Variants in ITGA11 observed in about 807,000 individuals in gnomAD.
ITGA11 encodes the protein integrin alpha-11.
ITGA11 carries 97 observed loss-of-function variants against 141.9 expected under a neutral mutation model. That is an observed-to-expected ratio of 0.68 (90% CI 0.58 to 0.81). The LOEUF is 0.81. Ranked by LOEUF, ITGA11 falls within the 30% of genes least tolerant of loss-of-function variation. ITGA11 has a pLI of 0.00. For missense variants in ITGA11, 1,387 were observed against 1,559.2 expected (o/e 0.89, Z 1.86); for synonymous variants, 658 against 624.6 (o/e 1.05, Z -0.80).
chr15:68,367,449 G>A (rs1442406160), intron 3 of ITGA11, among the ~76,000 whole-genome samples: 1 of 152,130 alleles, frequency 6.6e-6, no homozygotes, highest in Non-Finnish European at 1.5e-5. Flanking sequence ...TTTGTCTGGA[G>A]TGCTCCGCCC....
rs1893276861 is a variant in ITGA11 at position 68,308,715 on chromosome 15, C to G, written c.3175-1019G>C. ...CCGAGATCGTGCCACTGCACTCCAG[C>G]TGGGTGACCGAGCCAGACTCTGTCT... is the stretch of plus-strand genomic sequence containing the variant. On this transcript the variant is annotated intron_variant, in intron 26 of 29. Coordinates refer to ENST00000315757, the MANE Select transcript of ITGA11 (RefSeq NM_001004439.2). This position sits in a 1 kb window ranked among gnomAD's most constrained non-coding sequence, Gnocchi z 5.2. Among the ~76,000 whole-genome samples the G allele has an allele frequency of 6.7e-6, 1 of 150,038 alleles. No homozygotes were observed. Among genetic ancestry groups the G allele is most frequent in the African/African-American group, 2.5e-5 (1 of 40,350 alleles).
At position 68,298,389 on chromosome 15, in the gene ITGA11, C is replaced by G. The variant is rs1377520162; in HGVS notation, c.*4670G>C. ...TTGAACACCTACTGTATTTCAGGCA[C>G]TGCACCACAGATATGCATACAAAAA... On this transcript the variant is annotated 3_prime_UTR_variant, in exon 30 of 30. Coordinates refer to ENST00000315757, the MANE Select transcript of ITGA11 (RefSeq NM_001004439.2). The G allele has an allele frequency of 1.3e-5, 2 of 152,164 alleles. No homozygotes were observed. Among genetic ancestry groups the G allele is most frequent in the Non-Finnish European group, 2.9e-5 (2 of 68,028 alleles). The allele number at this position is 152,164 out of a possible 1,614,324, so 9.4% of individuals were successfully genotyped here.
chr15:68,345,974 TTTTG>T (rs1894731719), intron 10 of ITGA11, among the ~76,000 whole-genome samples: 1 of 151,864 alleles, frequency 6.6e-6, no homozygotes, highest in African/African-American at 2.4e-5. Context: ...AGGTTTTTGT[TTTTG>T]TTTTTGTTTT....
intron 20 of ITGA11, among the ~76,000 whole-genome samples, chr15:68,318,132 T>A (rs568234108): frequency 4.6e-5 from 7 of 152,200 alleles, no homozygotes; most frequent in African/African-American, 1.7e-4. Context: ...CTCACAGCCA[T>A]GAGCGTTTCC....
chr15:68,407,356 G>A (rs762386218), intron 1 of ITGA11, among the ~76,000 whole-genome samples: 18 of 152,300 alleles, frequency 1.2e-4, no homozygotes, highest in South Asian at 2.1e-4. Context: ...ACCAGTTGGC[G>A]TTTGCTTCTG....
At chr15:68,424,445 C>T (rs1897092201) in intron 1 of ITGA11, among the ~76,000 whole-genome samples, 1 of 152,114 alleles carries the variant, frequency 6.6e-6, no homozygotes, top group South Asian at 2.1e-4. Context: ...ATCTTGGATG[C>T]CCGTTAGAAT....
At chr15:68,377,483 G>A (rs1398896759) in intron 2 of ITGA11, among the ~76,000 whole-genome samples, 2 of 152,128 alleles carry the variant, frequency 1.3e-5, no homozygotes, top group African/African-American at 4.8e-5. Flanking sequence ...ATTTGGCCAG[G>A]CTGGTCTCAA....
chr15:68,327,064 G>A (rs1284083712), intron 16 of ITGA11, among the ~76,000 whole-genome samples: 1 of 151,872 alleles, frequency 6.6e-6, no homozygotes, highest in African/African-American at 2.4e-5. Flanking sequence ...CAGATGAGGA[G>A]GGGAGACAGG....
chr15:68,371,891 G>A (rs1259101025), intron 2 of ITGA11, among the ~76,000 whole-genome samples: 7 of 152,224 alleles, frequency 4.6e-5, no homozygotes, highest in Non-Finnish European at 2.9e-5. Flanking sequence ...CAATGAGACC[G>A]GTTTTGTCCT....
At chr15:68,340,691 A>C (rs1428239207) in intron 10 of ITGA11, 1 of 152,166 alleles carries the variant, frequency 6.6e-6, no homozygotes, top group African/African-American at 2.4e-5. Context: ...TCCTTGAGGG[A>C]AAGTTTCCAG....
At position 68,326,661 on chromosome 15, in the gene ITGA11, T is replaced by C; in HGVS notation, c.2204A>G (p.His735Arg). 2 of 1,590,502 alleles carry C rather than the reference T, an allele frequency of 1.3e-6. No homozygotes were observed. The highest frequency in any genetic ancestry group is 2.3e-5 in the East Asian group (1 of 43,646). Residue 735 changes from histidine (H) to arginine (R), a missense_variant, in exon 17 of 30, where the codon CAT becomes CGT. His to Arg is a conservative substitution (Grantham distance 29). Transcript: ENST00000315757. This position sits in a 1 kb window ranked among gnomAD's most constrained non-coding sequence, Gnocchi z 6.8. ...GTGGGGCTGCCAGCTTACCAGGACA[T>C]GGAAGTTGATCCGCTCACAGAGCTC... ...GQELCERINFHVLDTADYVKP... is the reference protein window; with the variant it reads ...GQELCERINFRVLDTADYVKP...
At position 68,324,801 on chromosome 15, in the gene ITGA11, T is replaced by C. The variant is rs185865036; in HGVS notation, c.2322+330A>G. 6.4e-4 allele frequency among the ~76,000 whole-genome samples: 98 copies of C among 152,028 alleles called. No homozygotes were observed. The highest frequency in any genetic ancestry group is 3.4e-3 in the Middle Eastern group (1 of 294). The stretch of plus-strand genomic sequence containing the variant: ...CTCATCTGTAAAGGAGGGAGGTGGG[T>C]GATTAAGATCTCCGATCCCTTCTCA... On this transcript the variant is annotated intron_variant, in intron 18 of 29. Coordinates refer to ENST00000315757, the MANE Select transcript of ITGA11 (RefSeq NM_001004439.2). The surrounding 1 kb of genome is among the most constrained non-coding windows in gnomAD (Gnocchi z 6.3).
At position 68,377,490 on chromosome 15, in the gene ITGA11, T is replaced by C. The variant is rs1392107540; in HGVS notation, c.165-8206A>G. Among the ~76,000 whole-genome samples the C allele has an allele frequency of 2.0e-5, 3 of 152,092 alleles. No homozygotes were observed. In the East Asian group the frequency reaches 5.8e-4, roughly 29 times the overall value. On this transcript the variant is annotated intron_variant, in intron 2 of 29. Coordinates refer to ENST00000315757, the MANE Select transcript of ITGA11 (RefSeq NM_001004439.2). ...GTTTCACCATTTGGCCAGGCTGGTCTCAAACTCCTGACCTCAGGTGATCTG... is the reference window on the plus strand; with the variant it reads ...GTTTCACCATTTGGCCAGGCTGGTCCCAAACTCCTGACCTCAGGTGATCTG...
Position 68,364,811 on chromosome 15 carries a change from G to A in ITGA11, c.266-13C>T. The A allele has an allele frequency of 6.2e-7, 1 of 1,612,338 alleles. No individual in the cohort carries two copies. The highest frequency in any genetic ancestry group is 1.1e-5 in the South Asian group (1 of 90,946). ...AGGGTGACCCTTCCTGGGGTTGGGG[G>A]AGAAGTTCAGCTTGCAGCCCCCTCC... On this transcript the variant is annotated splice_polypyrimidine_tract_variant and intron_variant, in intron 3 of 29. Coordinates refer to ENST00000315757, the MANE Select transcript of ITGA11 (RefSeq NM_001004439.2).
At chr15:68,330,923 C>T in intron 15 of ITGA11, 58 bp downstream of exon 15, 11 of 1,605,902 alleles carry the variant, frequency 6.8e-6, no homozygotes, top group Non-Finnish European at 9.4e-6. Context: ...TTTAAAACCC[C>T]TGGATTCATT....
intron 2 of ITGA11, among the ~76,000 whole-genome samples, chr15:68,396,795 ATAAG>A (rs1896253366): frequency 6.8e-6 from 1 of 146,670 alleles, no homozygotes; most frequent in Non-Finnish European, 1.5e-5. Flanking sequence ...GAAAAATGAA[ATAAG>A]TATTTCATTT....
chr15:68,340,928 G>C (rs990026579), intron 10 of ITGA11: 14 of 152,206 alleles, frequency 9.2e-5, no homozygotes, highest in Non-Finnish European at 1.2e-4. Context: ...TACAGGGGTG[G>C]GGGCAGACTG....
At chr15:68,398,552 G>A (rs1896380772) in intron 2 of ITGA11, among the ~76,000 whole-genome samples, 1 of 149,710 alleles carries the variant, frequency 6.7e-6, no homozygotes, top group Non-Finnish European at 1.5e-5. Flanking sequence ...CATTAATAAT[G>A]GGAGACTTTA....
Position 68,364,703 on chromosome 15 carries a change from T to C in ITGA11, c.357+4A>G, listed in dbSNP as rs757168934. On this transcript the variant is annotated splice_donor_region_variant and intron_variant, in intron 4 of 29. Transcript: ENST00000315757. ...GACCCCAAGCAGTGGCAGGTGGCTCTTACCAGGAAGCTGTTGTCCTTGGGG... is the reference window on the plus strand; with the variant it reads ...GACCCCAAGCAGTGGCAGGTGGCTCCTACCAGGAAGCTGTTGTCCTTGGGG... 1 of 1,558,224 alleles carries C rather than the reference T, an allele frequency of 6.4e-7. No homozygotes were observed. Among genetic ancestry groups the C allele is most frequent in the Non-Finnish European group, 8.8e-7 (1 of 1,142,130 alleles).
Sources: allele counts gnomAD v4.1 joint callset (sites outside exome capture counted in the v4.1 genomes callset), GRCh38; gene constraint gnomAD v4.1.1; non-coding constraint Gnocchi (gnomAD v3.1); transcripts MANE v1.5; gene names NCBI Gene and HGNC (gene_info 2026-07-23, HGNC 2026-07-21).